GNA12: variants seen among roughly 807,000 people sequenced by gnomAD.
GNA12 encodes the protein guanine nucleotide-binding protein subunit alpha-12.
GNA12 carries 9 observed loss-of-function variants against 26.0 expected under a neutral mutation model. That is an observed-to-expected ratio of 0.35 (90% CI 0.21 to 0.60). The LOEUF (loss-of-function observed/expected upper bound fraction) is 0.60. Ranked by LOEUF, GNA12 falls within the 20% of genes least tolerant of loss-of-function variation. GNA12 has a pLI of 0.78. For missense variants in GNA12, 405 were observed against 525.8 expected (o/e 0.77, Z 2.25); for synonymous variants, 264 against 219.6 (o/e 1.20, Z -1.79).
chr7:2,747,782 C>G (rs1049845142), intron 2 of GNA12, among the ~76,000 whole-genome samples: 1 of 152,206 alleles, frequency 6.6e-6, no homozygotes, highest in East Asian at 1.9e-4. Flanking sequence ...ACCCCATCAT[C>G]TCAGCCCAAA....
chr7:2,769,982 T>C (rs905700918), intron 2 of GNA12, among the ~76,000 whole-genome samples: 3 of 152,202 alleles, frequency 2.0e-5, no homozygotes, highest in African/African-American at 7.2e-5. Flanking sequence ...TTTTTCAAAA[T>C]TGCTTTTATA....
chr7:2,728,520 C>T lies in GNA12; in HGVS notation c.*2661G>A, dbSNP rs1235543497. 2 of 152,336 alleles carry T rather than the reference C, an allele frequency of 1.3e-5. No individual in the cohort carries two copies. Among genetic ancestry groups the T allele is most frequent in the East Asian group, 1.9e-4 (1 of 5,336 alleles). 9.4% of individuals were successfully genotyped at this position (152,336 alleles called of 1,614,324 possible). On this transcript the variant is annotated 3_prime_UTR_variant, in exon 4 of 4. Coordinates refer to ENST00000275364, the MANE Select transcript of GNA12 (RefSeq NM_007353.3). ...ATAGATTTCAGTAAAACCCTATATG[C>T]GTCTTATGTGTACACAGTATAGCTA...
intron 1 of GNA12, among the ~76,000 whole-genome samples, chr7:2,806,457 C>CAAAAAAAAAAAAAAAAAA (rs34036056): frequency 3.1e-4 from 25 of 80,676 alleles, no homozygotes; most frequent in Admixed American, 7.1e-4. Flanking sequence ...GACTCTGTCT[C>CAAAAAAAAAAAAAAAAAA]AAAAAAAAAA....
chr7:2,765,042 T>C (rs1231948493), intron 2 of GNA12: 1 of 152,132 alleles, frequency 6.6e-6, no homozygotes, highest in Admixed American at 6.5e-5. Context: ...AAGCATAATC[T>C]CAGAAATCTG....
At chr7:2,799,027 T>C (rs928003840) in intron 1 of GNA12, among the ~76,000 whole-genome samples, 3 of 152,158 alleles carry the variant, frequency 2.0e-5, no homozygotes, top group Non-Finnish European at 4.4e-5. Context: ...CAAATCAAAA[T>C]GTAGAACTAT....
chr7:2,804,754 C>G (rs1792901725), intron 1 of GNA12, among the ~76,000 whole-genome samples: 1 of 152,108 alleles, frequency 6.6e-6, no homozygotes, highest in South Asian at 2.1e-4. Context: ...TCAACATTTT[C>G]TACCACTAAA....
chr7:2,829,368 G>A (rs1007193032), intron 1 of GNA12, among the ~76,000 whole-genome samples: 1 of 152,224 alleles, frequency 6.6e-6, no homozygotes, highest in Middle Eastern at 3.2e-3. Context: ...ATGCCTGAAG[G>A]AGTCCAGTGT....
intron 2 of GNA12, among the ~76,000 whole-genome samples, chr7:2,738,905 G>A (rs867941898): frequency 4.6e-5 from 7 of 152,230 alleles, no homozygotes; most frequent in Middle Eastern, 3.4e-3. Flanking sequence ...GCCACGCTTT[G>A]GCCCCCTTGC....
chr7:2,780,051 C>CATACATATAT (rs1554259630), intron 2 of GNA12, among the ~76,000 whole-genome samples: 53 of 62,194 alleles, frequency 8.5e-4, no homozygotes, highest in African/African-American at 3.0e-3. Context: ...TTTCTGTGTA[C>CATACATATAT]ATATATATAT....
At chr7:2,760,971 G>A (rs1343150206) in intron 2 of GNA12, among the ~76,000 whole-genome samples, 1 of 152,208 alleles carries the variant, frequency 6.6e-6, no homozygotes, top group Middle Eastern at 3.2e-3. Context: ...CAGTCTTGAC[G>A]AAGTTGCTTG....
intron 2 of GNA12, among the ~76,000 whole-genome samples, chr7:2,771,342 GC>G (rs965294276): frequency 1.3e-5 from 2 of 152,072 alleles, no homozygotes; most frequent in African/African-American, 4.8e-5. Context: ...TAGTGAACTT[GC>G]CCAGTCTGAT....
chr7:2,763,985 G>C (rs1791695738), intron 2 of GNA12, among the ~76,000 whole-genome samples: 2 of 152,162 alleles, frequency 1.3e-5, no homozygotes, highest in Admixed American at 1.3e-4. Flanking sequence ...TGAGAACAGG[G>C]TACGCACCTA....
At chr7:2,757,841 T>G (rs1184678413) in intron 2 of GNA12, among the ~76,000 whole-genome samples, 1 of 152,232 alleles carries the variant, frequency 6.6e-6, no homozygotes, top group African/African-American at 2.4e-5. Context: ...ACATGTGTTT[T>G]TTCAAACCTG....
intron 2 of GNA12, among the ~76,000 whole-genome samples, chr7:2,788,186 G>A (rs1254905004): frequency 6.6e-6 from 1 of 151,926 alleles, no homozygotes; most frequent in East Asian, 1.9e-4. Context: ...AAACCAGAGA[G>A]CCAAGAATAT....
rs3996402 is a variant in GNA12 at position 2,831,404 on chromosome 7, CT to C, written c.309+12448del. Among the ~76,000 whole-genome samples the C allele has an allele frequency of 2.6e-3, 343 of 130,058 alleles. 1 individual carries two copies. The highest frequency in any genetic ancestry group is 4.7e-3 in the African/African-American group (169 of 35,776). The allele number at this position is 130,058 out of a possible 152,430, so 85.3% of individuals were successfully genotyped here. ...AACTAAAATTATGGAACTTCACTTT[CT>C]TTTTTTTTTTTTTTTTGAGATGGAG... On this transcript the variant is annotated intron_variant, in intron 1 of 3. Transcript: ENST00000275364.
At chr7:2,790,108 C>T (rs529923723) in intron 2 of GNA12, among the ~76,000 whole-genome samples, 34 of 152,344 alleles carry the variant, frequency 2.2e-4, no homozygotes, top group African/African-American at 7.9e-4. Context: ...TGTCTGCTCC[C>T]TCTGCCACCT....
rs1407941520 is a variant in GNA12, at chr7:2,729,817, G to A, written c.*1364C>T. The A allele has an allele frequency of 2.6e-5, 4 of 152,436 alleles. No individual in the cohort carries two copies. Among genetic ancestry groups the A allele is most frequent in the Non-Finnish European group, 4.4e-5 (3 of 68,088 alleles). The allele number at this position is 152,436 out of a possible 1,614,324, so 9.4% of individuals were successfully genotyped here. ...GGATTTCTCAGTAGAGTGATACACA[G>A]AGGGGACCAGCTTGGAATGCAATGT... On this transcript the variant is annotated 3_prime_UTR_variant, in exon 4 of 4. Coordinates refer to ENST00000275364, the MANE Select transcript of GNA12 (RefSeq NM_007353.3).
intron 2 of GNA12, among the ~76,000 whole-genome samples, chr7:2,737,036 C>G (rs529348587): frequency 6.6e-6 from 1 of 152,176 alleles, no homozygotes; most frequent in Admixed American, 6.5e-5. Flanking sequence ...TCCTGCCTGT[C>G]AATGTCACAG....
At chr7:2,736,865 G>A (rs759021653) in intron 2 of GNA12, among the ~76,000 whole-genome samples, 7 of 152,164 alleles carry the variant, frequency 4.6e-5, no homozygotes, top group South Asian at 2.1e-4. Flanking sequence ...CTGGCCTCAC[G>A]CACTTCCTTC....
Sources: gnomAD v4.1 joint callset for allele counts (sites outside exome capture counted in the v4.1 genomes callset) on GRCh38, gnomAD v4.1.1 for gene constraint, MANE v1.5 for transcripts, NCBI Gene and HGNC (gene_info 2026-07-23, HGNC 2026-07-21) for gene names.